Variants in STAB1 observed in about 807,000 individuals in gnomAD.
STAB1 encodes the protein stabilin-1.
A neutral mutation model predicts 332.4 loss-of-function variants in STAB1; 250 were observed. The ratio of observed to expected loss-of-function variants is 0.75; its 90% CI spans 0.68 to 0.84. The LOEUF is 0.84. STAB1 is among the 40% of genes least tolerant of loss of function. The pLI, the probability that STAB1 is intolerant of heterozygous loss-of-function variation, is 0.00. For synonymous variants in STAB1, 1,475 were observed against 1,390.4 expected (o/e 1.06, Z -1.35); for missense variants, 3,249 against 3,489.7 (o/e 0.93, Z 1.74).
rs756243631 is a variant in STAB1, at chr3:52,513,810, G to GGT, written c.3348+22_3348+23dup. 3 of 1,613,232 alleles carry GGT rather than the reference G, an allele frequency of 1.9e-6. No individual in the cohort carries two copies. The African/African-American group carries it at 4.0e-5, about 22-fold the overall frequency. On this transcript the variant is annotated intron_variant, in intron 31 of 68. Coordinates refer to ENST00000321725, the MANE Select transcript of STAB1 (RefSeq NM_015136.3). ...CCTCAGCCAGGTACAGCAGGAGGAG[G>GGT]GTGTGTGCAGGGAAACTTGCAGGCA...
In STAB1 at chr3:52,505,706, C is replaced by T. The variant is rs1483883710; in HGVS notation, c.1620C>T (p.Pro540=). The change falls in exon 15 of 69, where the codon CCC becomes CCT. Residue 540 remains proline, a synonymous_variant. Transcript: ENST00000321725. The stretch of plus-strand genomic sequence containing the variant: ...CCTCCATCCTGGACGGACCTGGGCC[C>T]TTCACAGTCTTTGCCCCAAGCAATG... ...GLPSILDGPG[P]FTVFAPSNEA... The T allele has an allele frequency of 3.1e-6, 5 of 1,613,868 alleles. No individual in the cohort carries two copies. In the Admixed American group the frequency reaches 6.7e-5, roughly 22 times the overall value.
chr3:52,516,962 C>T (rs1414737032), intron 41 of STAB1, 22 bp from the exon 42 acceptor site: 1 of 1,610,196 alleles, frequency 6.2e-7, no homozygotes. Flanking sequence ...CTCCTGAGGA[C>T]TCTCTGGCCA....
In STAB1 at chr3:52,523,150, C is replaced by A; in HGVS notation, c.7020+16C>A. ...CTTCTATGGGGTGTGTGGGGGCCACCCTTGGGGGCGGGGGGTGCTGGGATC... is the reference window on the plus strand; with the variant it reads ...CTTCTATGGGGTGTGTGGGGGCCACACTTGGGGGCGGGGGGTGCTGGGATC... On this transcript the variant is annotated intron_variant, in intron 63 of 68. Coordinates refer to ENST00000321725, the MANE Select transcript of STAB1 (RefSeq NM_015136.3). 1.2e-6 allele frequency: 2 copies of A among 1,607,572 alleles called. No individual in the cohort carries two copies.
In STAB1 at chr3:52,510,024, T is replaced by C; in HGVS notation, c.2502T>C (p.His834=). The C allele has an allele frequency of 6.2e-7, 1 of 1,607,944 alleles. No individual in the cohort carries two copies. Among genetic ancestry groups the C allele is most frequent in the African/African-American group, 1.3e-5 (1 of 75,004 alleles). ...GGCTGGCCCAGCACTGCCACCTGCATGCCCGCTGTGTTAGCCAGGAGGGTG... is the reference window on the plus strand; with the variant it reads ...GGCTGGCCCAGCACTGCCACCTGCACGCCCGCTGTGTTAGCCAGGAGGGTG... The part of the protein sequence containing the change: ...PTGLAQHCHL[H]ARCVSQEGVA... The change falls in exon 23 of 69, where the codon CAT becomes CAC. Residue 834 remains histidine, a synonymous_variant. Coordinates refer to ENST00000321725, the MANE Select transcript of STAB1 (RefSeq NM_015136.3).
Position 52,514,911 on chromosome 3 carries a change from C to T in STAB1, c.3808-78C>T, listed in dbSNP as rs1170063328. 7 of 1,611,916 alleles carry T rather than the reference C, an allele frequency of 4.3e-6. No individual in the cohort carries two copies. The African/African-American group carries it at 5.3e-5, about 12-fold the overall frequency. ...AGCTGACCTGACTAGTGGGGAGGGG[C>T]GCATGGTCAGTCTGTCCTGGAGGAA... On this transcript the variant is annotated intron_variant, in intron 35 of 68. Coordinates refer to ENST00000321725, the MANE Select transcript of STAB1 (RefSeq NM_015136.3).
In STAB1 at chr3:52,502,852, G is replaced by A. The variant is rs1708553292; in HGVS notation, c.583+125G>A. On this transcript the variant is annotated intron_variant, in intron 6 of 68. Transcript: ENST00000321725. Reference sequence around the variant, plus strand: ...TCCGCCTGGAGCCTAGTTGGGGAAGGGGTGTCATCTGAGACCTCCACTGTC... The same window carrying A: ...TCCGCCTGGAGCCTAGTTGGGGAAGAGGTGTCATCTGAGACCTCCACTGTC... The A allele has an allele frequency of 8.8e-6, 11 of 1,251,302 alleles. No individual in the cohort carries two copies. In the South Asian group the frequency reaches 1.1e-4, roughly 13 times the overall value. The allele number at this position is 1,251,302 out of a possible 1,614,324, so 77.5% of individuals were successfully genotyped here.
intron 41 of STAB1, 66 bp from the exon 42 acceptor site, chr3:52,516,918 C>A: frequency 6.2e-7 from 1 of 1,604,686 alleles, no homozygotes; most frequent in South Asian, 1.1e-5. Flanking sequence ...CTCTCACGCC[C>A]TCCTCTCCTG....
rs774724759 is a variant in STAB1 at position 52,512,587 on chromosome 3, T to C, written c.2980-9T>C. ...GGTCCTGTGACCTCAGACTTTTCCC[T>C]TCCCTTAGGAGCTGGAGGCAAATGC... On this transcript the variant is annotated splice_polypyrimidine_tract_variant and intron_variant, in intron 27 of 68. Transcript: ENST00000321725. The C allele has an allele frequency of 1.9e-6, 3 of 1,613,906 alleles. No homozygotes were observed. Among genetic ancestry groups the C allele is most frequent in the Non-Finnish European group, 1.7e-6 (2 of 1,180,004 alleles).
At chr3:52,521,069 G>A in intron 55 of STAB1, 64 bp downstream of exon 55, 1 of 1,463,540 alleles carries the variant, frequency 6.8e-7, no homozygotes, top group Non-Finnish European at 9.0e-7. Context: ...GCACAGCTCT[G>A]GCCATTGTCC....
Position 52,500,426 on chromosome 3 carries a change from G to T in STAB1, c.79-740G>T, listed in dbSNP as rs548202466. On this transcript the variant is annotated intron_variant, in intron 1 of 68. Coordinates refer to ENST00000321725, the MANE Select transcript of STAB1 (RefSeq NM_015136.3). Reference sequence around the variant, plus strand: ...GCCCAGCCCAAACACTTGCAGACCAGAGTCCCTGCACACAGCTGCTCACGT... The same window carrying T: ...GCCCAGCCCAAACACTTGCAGACCATAGTCCCTGCACACAGCTGCTCACGT... 1.1e-4 allele frequency among the ~76,000 whole-genome samples: 17 copies of T among 152,364 alleles called. No homozygotes were observed. In the South Asian group the frequency reaches 2.3e-3, roughly 20 times the overall value.
intron 1 of STAB1, among the ~76,000 whole-genome samples, chr3:52,497,783 T>TC (rs34554134): frequency 6.6e-6 from 1 of 151,984 alleles, no homozygotes; most frequent in African/African-American, 2.4e-5. Flanking sequence ...CTGGAACCAG[T>TC]CCCCCATAGA....
rs1005495934 is a variant in STAB1 at position 52,523,159 on chromosome 3, C to G, written c.7020+25C>G. On this transcript the variant is annotated intron_variant, in intron 63 of 68. Coordinates refer to ENST00000321725, the MANE Select transcript of STAB1 (RefSeq NM_015136.3). ...GGTGTGTGGGGGCCACCCTTGGGGG[C>G]GGGGGGTGCTGGGATCCCCGAGGAG... is the stretch of plus-strand genomic sequence containing the variant. The G allele has an allele frequency of 7.5e-6, 12 of 1,608,756 alleles. No individual in the cohort carries two copies. In the Admixed American group the frequency reaches 2.0e-4, roughly 27 times the overall value.
chr3:52,505,142 A>G lies in STAB1; in HGVS notation c.1517A>G (p.Lys506Arg), dbSNP rs1394159154. 2 of 1,612,860 alleles carry G rather than the reference A, an allele frequency of 1.2e-6. No homozygotes were observed. Among genetic ancestry groups the G allele is most frequent in the Non-Finnish European group, 1.7e-6 (2 of 1,179,788 alleles). The part of the protein sequence containing the change: ...QAPSGTPGDP[K>R]RTIGQILAST... ...CCCTCTGGGACCCCTGGGGATCCCA[A>G]GGTGAGCCAGCATCCTCCCCTCCCC... The change falls in exon 13 of 69, where the codon AAG (lysine) becomes AGG (arginine). Residue 506 changes from lysine (K) to arginine (R), a missense_variant and splice_region_variant. By Grantham distance (26) the Lys-to-Arg change is conservative (BLOSUM62 2). Coordinates refer to ENST00000321725, the MANE Select transcript of STAB1 (RefSeq NM_015136.3).
In STAB1 at chr3:52,507,466, T is replaced by A. The variant is rs574221482; in HGVS notation, c.1990-147T>A. 3.2e-5 allele frequency: 27 copies of A among 840,312 alleles called. 1 individual carries two copies. In the South Asian group the frequency reaches 4.6e-4, roughly 14 times the overall value. The allele number at this position is 840,312 out of a possible 1,614,324, so 52.1% of individuals were successfully genotyped here. A position where few individuals can be genotyped will look rare whatever the true frequency, so the allele number is the denominator to read the frequency against. ...CCCGGCTCGGGGCCTCTGCCCCTGC[T>A]CTCCTCTGCCTGGAATGCCAGTGCT... On this transcript the variant is annotated intron_variant, in intron 18 of 68. Coordinates refer to ENST00000321725, the MANE Select transcript of STAB1 (RefSeq NM_015136.3).
rs1432682686 is a variant in STAB1 at position 52,520,970 on chromosome 3, G to C, written c.5873G>C (p.Ser1958Thr). 1 of 1,572,136 alleles carries C rather than the reference G, an allele frequency of 6.4e-7. No individual in the cohort carries two copies. The highest frequency in any genetic ancestry group is 1.8e-5 in the Admixed American group (1 of 55,516). The change falls in exon 55 of 69, where the codon AGC becomes ACC. Residue 1958 changes from serine (S) to threonine (T), a missense_variant. Physicochemically the swap from Ser to Thr is moderately conservative, Grantham distance 58. Transcript: ENST00000321725. ...TGTGTCACCACCACCTGGAAGCCCA[G>C]CTGCTGCCCTGGTCACTATGGCAGT... is the stretch of plus-strand genomic sequence containing the variant. Reference protein sequence around the residue: ...RNCVTTTWKPSCCPGHYGSEC... With the variant: ...RNCVTTTWKPTCCPGHYGSEC...
At chr3:52,503,668 G>T (rs748597989) in intron 8 of STAB1, 104 bp from the exon 9 acceptor site, 12 of 1,564,740 alleles carry the variant, frequency 7.7e-6, no homozygotes, top group Admixed American at 3.5e-5. Context: ...AGAGGATAAG[G>T]GTCCTCTTCA....
intron 25 of STAB1, among the ~76,000 whole-genome samples, 184 bp downstream of exon 25, chr3:52,510,691 C>G: frequency 6.6e-6 from 1 of 152,222 alleles, no homozygotes; most frequent in Non-Finnish European, 1.5e-5. Flanking sequence ...TGGCTCATTG[C>G]TTTCCCAGGT....
At chr3:52,505,409 AT>A (rs1398789107) in intron 14 of STAB1, 28 bp downstream of exon 14, 1 of 1,606,306 alleles carries the variant, frequency 6.2e-7, no homozygotes, top group African/African-American at 1.3e-5. Flanking sequence ...GTCCTAGCCC[AT>A]GTGGGCTTCT....
chr3:52,498,206 A>G (rs988549853), intron 1 of STAB1, among the ~76,000 whole-genome samples: 2 of 152,128 alleles, frequency 1.3e-5, no homozygotes, highest in African/African-American at 4.8e-5. Flanking sequence ...TGTCTCCTCA[A>G]CTTCCCCCAG....
Sources: allele counts gnomAD v4.1 joint callset (sites outside exome capture counted in the v4.1 genomes callset), GRCh38; gene constraint gnomAD v4.1.1; transcripts MANE v1.5; gene names NCBI Gene and HGNC (gene_info 2026-07-23, HGNC 2026-07-21).